Variants in CSTF3 observed in about 807,000 individuals in gnomAD.
The protein encoded by CSTF3 is cleavage stimulation factor subunit 3.
Under a neutral mutation model 105.8 loss-of-function variants are expected in CSTF3, and 29 were observed. The ratio of observed to expected loss-of-function variants is 0.27; its 90% confidence interval spans 0.20 to 0.37. The LOEUF is 0.37. Among genes scored for constraint, CSTF3 ranks in the 10% least tolerant of loss-of-function variants. The pLI is 1.00. For synonymous variants in CSTF3, 252 were observed against 281.9 expected, an observed-to-expected ratio of 0.89 and a Z score of 1.06; for missense variants, 357 against 879.3, an observed-to-expected ratio of 0.41 and a Z score of 7.51.
intron 10 of CSTF3, among the ~76,000 whole-genome samples, chr11:33,101,642 C>G (rs1855282148): frequency 6.6e-6 from 1 of 152,132 alleles, no homozygotes. Flanking sequence ...ATGACAGAAT[C>G]TACAGTCTTT....
intron 3 of CSTF3, among the ~76,000 whole-genome samples, chr11:33,131,269 G>A (rs953833364): frequency 2.6e-5 from 4 of 152,098 alleles, no homozygotes; most frequent in African/African-American, 7.2e-5. Flanking sequence ...TTCTAAAAAG[G>A]TTTGCTTAAA....
chr11:33,143,575 C>A (rs774299294), intron 1 of CSTF3, among the ~76,000 whole-genome samples: 1 of 152,092 alleles, frequency 6.6e-6, no homozygotes, highest in Non-Finnish European at 1.5e-5. Context: ...CATGTTGAAA[C>A]CCAGTCTCTA....
intron 1 of CSTF3, 146 bp from the exon 2 acceptor site, chr11:33,142,132 A>G: frequency 7.2e-7 from 1 of 1,384,136 alleles, no homozygotes; most frequent in South Asian, 1.4e-5. Flanking sequence ...TGTGTTTCCT[A>G]GAACCGATGT....
intron 18 of CSTF3, 33 bp downstream of exon 18, chr11:33,086,955 C>G: frequency 6.2e-7 from 1 of 1,613,230 alleles, no homozygotes. Flanking sequence ...AACAAACCAA[C>G]GTCTCAGTAC....
chr11:33,160,891 T>C (rs1849931795), intron 1 of CSTF3, among the ~76,000 whole-genome samples: 1 of 152,216 alleles, frequency 6.6e-6, no homozygotes, highest in African/African-American at 2.4e-5. Context: ...TTTCTCAAAC[T>C]AGTAACCTAT....
intron 3 of CSTF3, among the ~76,000 whole-genome samples, chr11:33,133,943 A>G (rs1352003351): frequency 6.6e-6 from 1 of 152,210 alleles, no homozygotes; most frequent in Non-Finnish European, 1.5e-5. Flanking sequence ...TATAACATAG[A>G]CTGCAGATTA....
chr11:33,103,249 AATTT>A (rs2133776217), intron 8 of CSTF3, 65 bp from the exon 9 acceptor site: 1 of 678,378 alleles, frequency 1.5e-6, no homozygotes, highest in East Asian at 3.2e-5. Context: ...CAATACAGTT[AATTT>A]ATTCATTTAC....
Position 33,084,831 on chromosome 11 carries a change from AC to A in CSTF3, c.*255del. On this transcript the variant is annotated 3_prime_UTR_variant, in exon 21 of 21. Transcript: ENST00000323959. ...CATACAAGACACCCTTGAAGAGGGA[AC>A]AAAATGTGGTTCTGCCACTTTGTAC... The A allele has an allele frequency of 2.0e-6, 1 of 492,010 alleles. No homozygotes were observed. Among genetic ancestry groups the A allele is most frequent in the South Asian group, 2.5e-5 (1 of 40,484 alleles). The allele number at this position is 492,010 out of a possible 1,614,324, so 30.5% of individuals were successfully genotyped here. A position where few individuals can be genotyped will look rare whatever the true frequency, so the allele number is the denominator to read the frequency against.
At chr11:33,134,405 C>CA (rs1323427902) in intron 3 of CSTF3, 1 of 152,072 alleles carries the variant, frequency 6.6e-6, no homozygotes, top group Non-Finnish European at 1.5e-5. Context: ...ACGGGAAGCA[C>CA]AAAACCTTCA....
chr11:33,126,926 T>C (rs1437026644), intron 3 of CSTF3, among the ~76,000 whole-genome samples: 1 of 152,220 alleles, frequency 6.6e-6, no homozygotes, highest in Non-Finnish European at 1.5e-5. Context: ...TAAGGAGTTC[T>C]GCAGGGGATA....
intron 3 of CSTF3, among the ~76,000 whole-genome samples, chr11:33,139,679 A>T (rs1032966549): frequency 6.6e-6 from 1 of 151,992 alleles, no homozygotes; most frequent in Non-Finnish European, 1.5e-5. Context: ...TATAAATTTT[A>T]AAAAATATAC....
chr11:33,113,998 G>A (rs559587137), intron 3 of CSTF3, among the ~76,000 whole-genome samples: 24 of 152,180 alleles, frequency 1.6e-4, no homozygotes, highest in Admixed American at 7.9e-4. Context: ...ATATTTCCAG[G>A]CCTTTGTTAA....
chr11:33,116,551 C>G (rs749435494), intron 3 of CSTF3, among the ~76,000 whole-genome samples: 1 of 151,884 alleles, frequency 6.6e-6, no homozygotes, highest in Non-Finnish European at 1.5e-5. Flanking sequence ...ATGAGGACAT[C>G]CAAGCAAGAA....
At chr11:33,158,310 A>C (rs1565023431) in intron 1 of CSTF3, among the ~76,000 whole-genome samples, 1 of 152,222 alleles carries the variant, frequency 6.6e-6, no homozygotes, top group African/African-American at 2.4e-5. Flanking sequence ...GGACAAGTTG[A>C]GTGTGCAAAA....
chr11:33,085,218 C>G lies in CSTF3; in HGVS notation c.2023G>C (p.Glu675Gln), dbSNP rs1855091932. 1.2e-6 allele frequency: 2 copies of G among 1,608,138 alleles called. No homozygotes were observed. Among genetic ancestry groups the G allele is most frequent in the Non-Finnish European group, 1.7e-6 (2 of 1,177,048 alleles). The change falls in exon 21 of 21, where the codon GAA becomes CAA. Residue 675 changes from glutamate (E) to glutamine (Q), a missense_variant. By Grantham distance (29) the Glu-to-Gln change is conservative. Transcript: ENST00000323959. ...GCCTTGGTGAGTACTGCATTACTTT[C>G]CACGGGGCCGTTGCCTTCTACAGCT... ...ELAVEGNGPV[E>Q]SNAVLTKAVK...
intron 3 of CSTF3, among the ~76,000 whole-genome samples, chr11:33,113,940 A>T (rs577292089): frequency 6.6e-6 from 1 of 152,308 alleles, no homozygotes; most frequent in African/African-American, 2.4e-5. Context: ...AAACAAGTAT[A>T]ACATGATGAG....
intron 5 of CSTF3, among the ~76,000 whole-genome samples, chr11:33,106,406 A>C (rs969408264): frequency 1.3e-5 from 2 of 151,824 alleles, no homozygotes; most frequent in Non-Finnish European, 2.9e-5. Context: ...ACAGAGCAAG[A>C]CCCTGTCTCT....
intron 3 of CSTF3, among the ~76,000 whole-genome samples, chr11:33,123,815 C>G (rs1051905346): frequency 1.3e-5 from 2 of 152,016 alleles, no homozygotes; most frequent in African/African-American, 2.4e-5. Context: ...ACTGGTGCCT[C>G]AAGAACAGGG....
At chr11:33,113,999 C>T (rs769447145) in intron 3 of CSTF3, among the ~76,000 whole-genome samples, 4 of 152,112 alleles carry the variant, frequency 2.6e-5, no homozygotes, top group Non-Finnish European at 5.9e-5. Flanking sequence ...TATTTCCAGG[C>T]CTTTGTTAAC....
Sources: gnomAD v4.1 joint callset for allele counts (sites outside exome capture counted in the v4.1 genomes callset) on GRCh38, gnomAD v4.1.1 for gene constraint, MANE v1.5 for transcripts, NCBI Gene and HGNC (gene_info 2026-07-23, HGNC 2026-07-21) for gene names.